Variants in TTC7B observed in about 807,000 individuals in gnomAD.
The protein encoded by TTC7B is tetratricopeptide repeat domain 7B, also known as tetratricopeptide repeat protein 7B.
A neutral mutation model predicts 106.8 loss-of-function variants in TTC7B; 28 were observed. The ratio of observed to expected loss-of-function variants is 0.26; its 90% confidence interval spans 0.19 to 0.36. The LOEUF is 0.36. Ranked by LOEUF, TTC7B falls within the 10% of genes least tolerant of loss-of-function variation. The pLI is 1.00. For synonymous variants in TTC7B, 405 were observed against 430.6 expected (o/e 0.94, Z 0.74); for missense variants, 862 against 1,076.4 (o/e 0.80, Z 2.79).
chr14:90,815,694 C>A (rs2031130645), intron 1 of TTC7B, among the ~76,000 whole-genome samples: 1 of 152,032 alleles, frequency 6.6e-6, no homozygotes, highest in South Asian at 2.1e-4. Flanking sequence ...TGTTTACAAA[C>A]CAGATTCCCC....
chr14:90,584,098 C>A (rs1171266360), intron 18 of TTC7B, among the ~76,000 whole-genome samples: 1 of 152,160 alleles, frequency 6.6e-6, no homozygotes, highest in Admixed American at 6.5e-5. Flanking sequence ...TGCCAACCCT[C>A]CTGCAGGGCT....
intron 3 of TTC7B, among the ~76,000 whole-genome samples, chr14:90,745,837 TG>T (rs1460279680): frequency 6.6e-6 from 1 of 151,920 alleles, no homozygotes; most frequent in Non-Finnish European, 1.5e-5. Flanking sequence ...CCCAGGTAGC[TG>T]GGACTACGGG....
intron 19 of TTC7B, among the ~76,000 whole-genome samples, chr14:90,563,937 G>T: frequency 6.6e-6 from 1 of 152,030 alleles, no homozygotes. Context: ...TTCCCACCAC[G>T]TCTGCTGTTG....
At position 90,608,381 on chromosome 14, in the gene TTC7B, T is replaced by G. The variant is rs76879676; in HGVS notation, c.1966+2361A>C. On this transcript the variant is annotated intron_variant, in intron 17 of 19. Transcript: ENST00000328459. The surrounding 1 kb of genome is among the most constrained non-coding windows in gnomAD (Gnocchi z 5.1). ...AAATCAGTATTTTGCAGCTGCCTGG[T>G]TGGGTCGGGGGTGGTGTAGGGCTGG... 0.049 allele frequency among the ~76,000 whole-genome samples: 7,421 copies of G among 152,184 alleles called. 214 individuals are homozygous for G. The highest frequency in any genetic ancestry group is 0.11 in the South Asian group (506 of 4,814).
chr14:90,591,023 G>T (rs1166284917), intron 18 of TTC7B, among the ~76,000 whole-genome samples: 3 of 152,170 alleles, frequency 2.0e-5, no homozygotes, highest in Non-Finnish European at 4.4e-5. Context: ...CGGATCTTGT[G>T]TGATTATATT....
chr14:90,676,802 G>T, intron 8 of TTC7B, 142 bp from the exon 9 acceptor site: 1 of 820,664 alleles, frequency 1.2e-6, no homozygotes, highest in Non-Finnish European at 1.9e-6. Flanking sequence ...CTGTCATCTT[G>T]GGTTATTTAT....
At chr14:90,779,760 C>T (rs1441663323) in intron 3 of TTC7B, among the ~76,000 whole-genome samples, 6 of 152,172 alleles carry the variant, frequency 3.9e-5, no homozygotes, top group Non-Finnish European at 8.8e-5. Context: ...TGGAACGGTC[C>T]GATCATCTGT....
intron 1 of TTC7B, among the ~76,000 whole-genome samples, chr14:90,809,189 T>C (rs2030764108): frequency 6.6e-6 from 1 of 152,178 alleles, no homozygotes; most frequent in Non-Finnish European, 1.5e-5. Flanking sequence ...GCTCCAGGCC[T>C]CAAAGATATG....
In TTC7B at chr14:90,805,248, T is replaced by C. The variant is rs538714851; in HGVS notation, c.121+10927A>G. Among the ~76,000 whole-genome samples, 8 of 151,970 alleles carry C rather than the reference T, an allele frequency of 5.3e-5. No individual in the cohort carries two copies. Among genetic ancestry groups the C allele is most frequent in the Admixed American group, 2.0e-4 (3 of 15,268 alleles). On this transcript the variant is annotated intron_variant, in intron 1 of 19. Transcript: ENST00000328459. The surrounding 1 kb of genome is among the most constrained non-coding windows in gnomAD (Gnocchi z 4.0). ...CAGTAAGAGCTCGATGAGTAATGAA[T>C]CTAAGTAAACTCCTCAAGGGCAGAG...
intron 1 of TTC7B, among the ~76,000 whole-genome samples, chr14:90,790,022 A>G (rs1446722038): frequency 6.6e-6 from 1 of 152,150 alleles, no homozygotes; most frequent in Non-Finnish European, 1.5e-5. Flanking sequence ...CTCACAGCAC[A>G]TGTCAGCTCT....
At chr14:90,734,810 C>T (rs1294857703) in intron 4 of TTC7B, among the ~76,000 whole-genome samples, 11 of 151,972 alleles carry the variant, frequency 7.2e-5, no homozygotes, top group Non-Finnish European at 1.2e-4. Context: ...ATTTTGGAGA[C>T]GGAGTTTCTG....
intron 3 of TTC7B, among the ~76,000 whole-genome samples, chr14:90,750,428 G>C (rs4904725): frequency 0.67 from 101,171 of 152,100 alleles, 34,432 homozygotes; most frequent in African/African-American, 0.8. Context: ...GGCTCTCAGA[G>C]ACCTGCCAAG....
chr14:90,601,379 C>T (rs1892417317), intron 17 of TTC7B, among the ~76,000 whole-genome samples: 1 of 152,170 alleles, frequency 6.6e-6, no homozygotes, highest in African/African-American at 2.4e-5. Context: ...CAATAAAATG[C>T]TTGCCATGAT....
chr14:90,661,058 C>T (rs1361925415), intron 9 of TTC7B, among the ~76,000 whole-genome samples: 2 of 152,200 alleles, frequency 1.3e-5, no homozygotes, highest in Admixed American at 6.5e-5. Flanking sequence ...TTGCCCTCAG[C>T]CCTGCCCCTT....
At chr14:90,725,737 C>G (rs1889074647) in intron 5 of TTC7B, among the ~76,000 whole-genome samples, 1 of 152,172 alleles carries the variant, frequency 6.6e-6, no homozygotes, top group South Asian at 2.1e-4. Flanking sequence ...GTGCATCTCC[C>G]GGCTGACAGT....
chr14:90,671,453 G>A (rs917004503), intron 9 of TTC7B, among the ~76,000 whole-genome samples: 4 of 152,180 alleles, frequency 2.6e-5, no homozygotes, highest in African/African-American at 4.8e-5. Flanking sequence ...ATATCCTGTC[G>A]AAATGGAGCC....
rs142792412 is a variant in TTC7B, at chr14:90,611,740, G to A, written c.1869-901C>T. Among the ~76,000 whole-genome samples the A allele has an allele frequency of 1.8e-3, 275 of 152,262 alleles. 1 individual carries two copies. The highest frequency in any genetic ancestry group is 0.012 in the East Asian group (60 of 5,168). On this transcript the variant is annotated intron_variant, in intron 16 of 19. Transcript: ENST00000328459. ...GGTAAAGCCACACGGAAACCACAGC[G>A]GGCCTAACAGGGAGAGAAACTGTTA... is the stretch of plus-strand genomic sequence containing the variant.
chr14:90,618,371 C>A (rs1893175664), intron 15 of TTC7B, among the ~76,000 whole-genome samples: 1 of 152,220 alleles, frequency 6.6e-6, no homozygotes, highest in African/African-American at 2.4e-5. Flanking sequence ...ATTTGTGAAA[C>A]CTCAAAAACT....
intron 5 of TTC7B, among the ~76,000 whole-genome samples, chr14:90,716,200 A>G (rs566850084): frequency 1.3e-4 from 20 of 152,292 alleles, no homozygotes; most frequent in African/African-American, 4.8e-4. Context: ...AAGAGGAAAC[A>G]TGAGGAGTAG....
Sources: gnomAD v4.1 joint callset for allele counts (sites outside exome capture counted in the v4.1 genomes callset) on GRCh38, gnomAD v4.1.1 for gene constraint, Gnocchi (gnomAD v3.1) non-coding constraint, MANE v1.5 for transcripts, NCBI Gene and HGNC (gene_info 2026-07-23, HGNC 2026-07-21) for gene names.